The following NAP1L2 variants were observed in gnomAD, a reference collection of about 807,000 sequenced individuals.
NAP1L2 encodes nucleosome assembly protein 1 like 2, also known as nucleosome assembly protein 1-like 2.
For synonymous variants in NAP1L2, 165 were observed against 126.0 expected (o/e 1.31, Z -2.07); for missense variants, 376 against 338.5 (o/e 1.11, Z -0.87).
In NAP1L2 at chrX:73,214,698, G is replaced by C. The variant is rs1350906293; in HGVS notation, c.-206C>G. On this transcript the variant is annotated 5_prime_UTR_variant, in exon 1 of 1. Transcript: ENST00000373517. Reference sequence around the variant, plus strand: ...AACCGGACTGAAGCAGTGGCGACCTGGGCTGGGTGCAGAGGGCGGCGACGG... The same window carrying C: ...AACCGGACTGAAGCAGTGGCGACCTCGGCTGGGTGCAGAGGGCGGCGACGG... 2.3e-6 allele frequency: 1 copy of C among 432,235 alleles called. No homozygotes were observed. Among genetic ancestry groups the C allele is most frequent in the Non-Finnish European group, 4.0e-6 (1 of 251,093 alleles). 35.6% of individuals were successfully genotyped at this position (432,235 alleles called of 1,213,427 possible).
chrX:73,214,553 A>G lies in NAP1L2; in HGVS notation c.-61T>C. 1 of 1,096,107 alleles carries G rather than the reference A, an allele frequency of 9.1e-7. No individual in the cohort carries two copies. The highest frequency in any genetic ancestry group is 1.2e-6 in the Non-Finnish European group (1 of 815,825). The allele number at this position is 1,096,107 out of a possible 1,213,427, so 90.3% of individuals were successfully genotyped here. Reference sequence around the variant, plus strand: ...ACAGAGATCGGGAGACCAAACCTCCACAGGAAAAGACTCACCGAAATATCA... The same window carrying G: ...ACAGAGATCGGGAGACCAAACCTCCGCAGGAAAAGACTCACCGAAATATCA... On this transcript the variant is annotated 5_prime_UTR_variant, in exon 1 of 1. Transcript: ENST00000373517.
In NAP1L2 at chrX:73,212,897, C is replaced by T; in HGVS notation, c.*213G>A. The T allele has an allele frequency of 2.6e-6, 1 of 387,326 alleles. No individual in the cohort carries two copies. The highest frequency in any genetic ancestry group is 4.4e-6 in the Non-Finnish European group (1 of 225,109). 31.9% of individuals were successfully genotyped at this position (387,326 alleles called of 1,213,427 possible). On this transcript the variant is annotated 3_prime_UTR_variant, in exon 1 of 1. Coordinates refer to ENST00000373517, the MANE Select transcript of NAP1L2 (RefSeq NM_021963.4). ...AAGGATTAAGCTACACAACACTATA[C>T]TAGTGTTTTAAATCATTTACCACAG...
At position 73,213,104 on chromosome X, in the gene NAP1L2, TC is replaced by T; in HGVS notation, c.*5del. 8.4e-7 allele frequency: 1 copy of T among 1,193,257 alleles called. No homozygotes were observed. The highest frequency in any genetic ancestry group is 1.1e-6 in the Non-Finnish European group (1 of 886,111). The stretch of plus-strand genomic sequence containing the variant: ...CAGTTAATTTCAGGGCCATGTATAC[TC>T]TGCTCTAACGATCAATGTCTTCTAC... On this transcript the variant is annotated 3_prime_UTR_variant, in exon 1 of 1. Coordinates refer to ENST00000373517, the MANE Select transcript of NAP1L2 (RefSeq NM_021963.4).
At position 73,213,158 on chromosome X, in the gene NAP1L2, T is replaced by C. The variant is rs2056138659; in HGVS notation, c.1335A>G (p.Lys445=). ...ATGCCTCAAGGTTTTTGCAACAAGC[T>C]TTAACTTCCTCAATTGCAGCCATCC... ...DNWMAAIEEV[K]ACCKNLEALV... Residue 445 remains lysine, a synonymous_variant, in exon 1 of 1, where the codon AAA becomes AAG. Transcript: ENST00000373517. The C allele has an allele frequency of 8.3e-7, 1 of 1,210,827 alleles. No homozygotes were observed.
In NAP1L2 at chrX:73,214,609, G is replaced by C; in HGVS notation, c.-117C>G. On this transcript the variant is annotated 5_prime_UTR_variant, in exon 1 of 1. Coordinates refer to ENST00000373517, the MANE Select transcript of NAP1L2 (RefSeq NM_021963.4). Reference sequence around the variant, plus strand: ...GGCGGTGGTCGGACCTAGCAGTGGCGTCCGGACTGAGGGAACGACGATCCA... The same window carrying C: ...GGCGGTGGTCGGACCTAGCAGTGGCCTCCGGACTGAGGGAACGACGATCCA... 15 of 809,518 alleles carry C rather than the reference G, an allele frequency of 1.9e-5. No individual in the cohort carries two copies. The highest frequency in any genetic ancestry group is 2.5e-5 in the Non-Finnish European group (14 of 566,526). 66.7% of individuals were successfully genotyped at this position (809,518 alleles called of 1,213,427 possible). A position where few individuals can be genotyped will look rare whatever the true frequency, so the allele number is the denominator to read the frequency against.
rs746220203 is a variant in NAP1L2 at position 73,213,784 on chromosome X, G to C, written c.709C>G (p.Pro237Ala). ...AGCCAAAAATCAGGAATTCCCTTAG[G>C]ATCCTCCTCTTCTTTATTCTCTTCT... is the stretch of plus-strand genomic sequence containing the variant. Reference protein sequence around the residue: ...TGEENKEEEDPKGIPDFWLTV... With the variant: ...TGEENKEEEDAKGIPDFWLTV... The change falls in exon 1 of 1, where the codon CCT becomes GCT. Residue 237 changes from proline to alanine, a missense_variant. Physicochemically the swap from Pro to Ala is conservative, Grantham distance 27. Transcript: ENST00000373517. The C allele has an allele frequency of 8.3e-7, 1 of 1,208,534 alleles. No homozygotes were observed. The highest frequency in any genetic ancestry group is 1.8e-5 in the African/African-American group (1 of 56,799).
In NAP1L2 at chrX:73,214,488, G is replaced by A. The variant is rs867502043; in HGVS notation, c.5C>T (p.Ala2Val). The A allele has an allele frequency of 8.3e-7, 1 of 1,207,191 alleles. No homozygotes were observed. Among genetic ancestry groups the A allele is most frequent in the South Asian group, 1.8e-5 (1 of 56,219 alleles). ...CAGCTCCTTGCGGTTCTCTGACTCGGCCATTTTTCAAAGGACCGTACACGC... is the reference window on the plus strand; with the variant it reads ...CAGCTCCTTGCGGTTCTCTGACTCGACCATTTTTCAAAGGACCGTACACGC... MAESENRKELSE... is the reference protein window; with the variant it reads MVESENRKELSE... The change falls in exon 1 of 1, where the codon GCC becomes GTC. Residue 2 changes from alanine to valine, a missense_variant. Ala to Val is a moderately conservative substitution (Grantham distance 64). Coordinates refer to ENST00000373517, the MANE Select transcript of NAP1L2 (RefSeq NM_021963.4).
Position 73,213,392 on chromosome X carries a change from C to T in NAP1L2, c.1101G>A (p.Lys367=), listed in dbSNP as rs140765772. The change falls in exon 1 of 1, where the codon AAG becomes AAA. Residue 367 remains lysine (K), a synonymous_variant. Transcript: ENST00000373517. ...GAGAGAAAAAATTGAAAAATGAATC[C>T]TTGGGAAAATCTTCAGTTACAGTTC... The part of the protein sequence containing the change: ...TIRTVTEDFP[K]DSFFNFFSPH... 5.8e-6 allele frequency: 7 copies of T among 1,211,671 alleles called. No homozygotes were observed. The highest frequency in any genetic ancestry group is 6.7e-6 in the Non-Finnish European group (6 of 895,506).
chrX:73,213,557 T>C lies in NAP1L2; in HGVS notation c.936A>G (p.Leu312=). The change falls in exon 1 of 1, where the codon CTA becomes CTG. Residue 312 remains leucine (L), a synonymous_variant. Coordinates refer to ENST00000373517, the MANE Select transcript of NAP1L2 (RefSeq NM_021963.4). ...LTKTYVLKSK[L]AYYDPHPYRG... ...TATAGGGATGGGGATCATAATATGC[T>C]AGCTTTGACTTCAGCACATAGGTCT... The C allele has an allele frequency of 8.3e-7, 1 of 1,211,738 alleles. No individual in the cohort carries two copies. The highest frequency in any genetic ancestry group is 1.1e-6 in the Non-Finnish European group (1 of 895,359).
In NAP1L2 at chrX:73,213,016, CTA is replaced by C. The variant is rs1299688186; in HGVS notation, c.*92_*93del. The C allele has an allele frequency of 4.8e-6, 4 of 835,352 alleles. No individual in the cohort carries two copies. The African/African-American group carries it at 6.2e-5, about 13-fold the overall frequency. 68.8% of individuals were successfully genotyped at this position (835,352 alleles called of 1,213,427 possible). On this transcript the variant is annotated 3_prime_UTR_variant, in exon 1 of 1. Transcript: ENST00000373517. The stretch of plus-strand genomic sequence containing the variant: ...TATATTTTTGAAACATATGTTTTAA[CTA>C]ACACTACAAGAAAAATACAGAACAC...
Position 73,213,178 on chromosome X carries a change from C to T in NAP1L2, c.1315G>A (p.Ala439Thr). ...YDKIIYDNWM[A>T]AIEEVKACCK... ...CAAGCTTTAACTTCCTCAATTGCAG[C>T]CATCCAATTATCATAAATAATTTTG... The change falls in exon 1 of 1, where the codon GCT becomes ACT. Residue 439 changes from alanine to threonine, a missense_variant. Ala to Thr is a moderately conservative substitution (Grantham distance 58, BLOSUM62 0). Coordinates refer to ENST00000373517, the MANE Select transcript of NAP1L2 (RefSeq NM_021963.4). The T allele has an allele frequency of 1.7e-6, 2 of 1,210,436 alleles. No individual in the cohort carries two copies. The highest frequency in any genetic ancestry group is 2.2e-6 in the Non-Finnish European group (2 of 894,816).
In NAP1L2 at chrX:73,213,041, C is replaced by G; in HGVS notation, c.*69G>C. On this transcript the variant is annotated 3_prime_UTR_variant, in exon 1 of 1. Transcript: ENST00000373517. ...CTAACACTACAAGAAAAATACAGAA[C>G]ACAAGGCTTCTTATACCTTGAGTAA... is the stretch of plus-strand genomic sequence containing the variant. 1.0e-6 allele frequency: 1 copy of G among 974,181 alleles called. No individual in the cohort carries two copies. The highest frequency in any genetic ancestry group is 1.9e-5 in the African/African-American group (1 of 51,566). 80.3% of individuals were successfully genotyped at this position (974,181 alleles called of 1,213,427 possible). A position where few individuals can be genotyped will look rare whatever the true frequency, so the allele number is the denominator to read the frequency against.
chrX:73,214,766 G>T lies in NAP1L2; in HGVS notation c.-274C>A, dbSNP rs1569480234. 1 of 299,969 alleles carries T rather than the reference G, an allele frequency of 3.3e-6. No homozygotes were observed. Among genetic ancestry groups the T allele is most frequent in the Non-Finnish European group, 6.1e-6 (1 of 163,998 alleles). The allele number at this position is 299,969 out of a possible 1,213,427, so 24.7% of individuals were successfully genotyped here. A position where few individuals can be genotyped will look rare whatever the true frequency, so the allele number is the denominator to read the frequency against. ...GCAGGAGAGAGCCGGAGACTGCAGA[G>T]AGCTGCAGTGGGCAGACCTCCTCCG... On this transcript the variant is annotated 5_prime_UTR_variant, in exon 1 of 1. Coordinates refer to ENST00000373517, the MANE Select transcript of NAP1L2 (RefSeq NM_021963.4).
rs200694122 is a variant in NAP1L2, at chrX:73,213,937, A to T, written c.556T>A (p.Tyr186Asn). The change falls in exon 1 of 1, where the codon TAT becomes AAT. Residue 186 changes from tyrosine (Y) to asparagine (N), a missense_variant. Tyr to Asn is a moderately radical substitution (Grantham distance 143). Coordinates refer to ENST00000373517, the MANE Select transcript of NAP1L2 (RefSeq NM_021963.4). ...TGTACCATACCCTCCTCATTACCAT[A>T]CATCTCTTCATGACACATTTCCTCA... ...DDEEMCHEEM[Y>N]GNEEGMVHEY... 2.2e-4 allele frequency: 268 copies of T among 1,208,692 alleles called. 1 individual carries two copies. The highest frequency in any genetic ancestry group is 4.6e-4 in the Middle Eastern group (2 of 4,371).
chrX:73,213,915 A>C lies in NAP1L2; in HGVS notation c.578T>G (p.Val193Gly). The change falls in exon 1 of 1, where the codon GTA becomes GGA. Residue 193 changes from valine to glycine, a missense_variant. Physicochemically the swap from Val to Gly is moderately radical, Grantham distance 109 (BLOSUM62 -3). Transcript: ENST00000373517. ...ATCGTCCTCATCCACATATTCATGT[A>C]CCATACCCTCCTCATTACCATACAT... ...EEMYGNEEGM[V>G]HEYVDEDDGY... The C allele has an allele frequency of 8.3e-7, 1 of 1,211,239 alleles. No individual in the cohort carries two copies. The highest frequency in any genetic ancestry group is 1.1e-6 in the Non-Finnish European group (1 of 895,399).
rs145722184 is a variant in NAP1L2, at chrX:73,212,356, C to G, written c.*754G>C. On this transcript the variant is annotated 3_prime_UTR_variant, in exon 1 of 1. Coordinates refer to ENST00000373517, the MANE Select transcript of NAP1L2 (RefSeq NM_021963.4). ...CTTTTTATTTTGCAGTGAAAGAACA[C>G]GAAATATCTTTTCAAAATGGTAAAG... The G allele has an allele frequency of 9.0e-6, 1 of 111,107 alleles. No individual in the cohort carries two copies. Among genetic ancestry groups the G allele is most frequent in the Admixed American group, 9.6e-5 (1 of 10,435 alleles). 9.2% of individuals were successfully genotyped at this position (111,107 alleles called of 1,213,427 possible).
In NAP1L2 at chrX:73,213,092, G is replaced by A. The variant is rs768852306; in HGVS notation, c.*18C>T. ...CTATATCTAGGGCAGTTAATTTCAG[G>A]GCCATGTATACTCTGCTCTAACGAT... On this transcript the variant is annotated 3_prime_UTR_variant, in exon 1 of 1. Transcript: ENST00000373517. The A allele has an allele frequency of 1.7e-6, 2 of 1,164,666 alleles. No individual in the cohort carries two copies. The highest frequency in any genetic ancestry group is 2.1e-5 in the South Asian group (1 of 48,520).
In NAP1L2 at chrX:73,214,523, C is replaced by T. The variant is rs1356326287; in HGVS notation, c.-31G>A. 1 of 1,175,208 alleles carries T rather than the reference C, an allele frequency of 8.5e-7. No individual in the cohort carries two copies. The highest frequency in any genetic ancestry group is 2.4e-5 in the Admixed American group (1 of 42,281). On this transcript the variant is annotated 5_prime_UTR_variant, in exon 1 of 1. Coordinates refer to ENST00000373517, the MANE Select transcript of NAP1L2 (RefSeq NM_021963.4). Reference sequence around the variant, plus strand: ...AAAGGACCGTACACGCCTAAGGTGGCTACCACAGAGATCGGGAGACCAAAC... The same window carrying T: ...AAAGGACCGTACACGCCTAAGGTGGTTACCACAGAGATCGGGAGACCAAAC...
At position 73,213,148 on chromosome X, in the gene NAP1L2, T is replaced by G; in HGVS notation, c.1345A>C (p.Lys449Gln). Residue 449 changes from lysine to glutamine, a missense_variant, in exon 1 of 1, where the codon AAA (lysine) becomes CAA (glutamine). Physicochemically the swap from Lys to Gln is moderately conservative, Grantham distance 53. Coordinates refer to ENST00000373517, the MANE Select transcript of NAP1L2 (RefSeq NM_021963.4). Reference protein sequence around the residue: ...AAIEEVKACCKNLEALVEDID... With the variant: ...AAIEEVKACCQNLEALVEDID... ...TCTTCTACTAATGCCTCAAGGTTTT[T>G]GCAACAAGCTTTAACTTCCTCAATT... 1 of 1,209,940 alleles carries G rather than the reference T, an allele frequency of 8.3e-7. No individual in the cohort carries two copies. The highest frequency in any genetic ancestry group is 1.1e-6 in the Non-Finnish European group (1 of 894,642).
Sources: allele counts gnomAD v4.1 joint callset, GRCh38; gene constraint gnomAD v4.1.1; transcripts MANE v1.5; gene names NCBI Gene and HGNC (gene_info 2026-07-23, HGNC 2026-07-21).